ROR1: variants seen among roughly 807,000 people sequenced by gnomAD.
The protein encoded by ROR1 is ROR family WNT receptor 1, also known as inactive tyrosine-protein kinase transmembrane receptor ROR1.
ROR1 carries 19 observed loss-of-function variants against 78.8 expected under a neutral mutation model. The observed-to-expected ratio is 0.24, with a 90% CI of 0.17 to 0.35. The LOEUF is 0.35. ROR1 is among the 10% of genes least tolerant of loss of function. The pLI is 1.00. For missense variants in ROR1, 917 were observed against 1,177.8 expected, an observed-to-expected ratio of 0.78 and a Z score of 3.24; for synonymous variants, 386 against 433.6, an observed-to-expected ratio of 0.89 and a Z score of 1.36.
At chr1:64,022,781 A>T (rs952084407) in intron 2 of ROR1, among the ~76,000 whole-genome samples, 1 of 152,210 alleles carries the variant, frequency 6.6e-6, no homozygotes, top group Admixed American at 6.5e-5. Flanking sequence ...AGGTGATCTG[A>T]AATTATCTCT....
At chr1:64,113,437 C>G (rs1404539426) in intron 4 of ROR1, among the ~76,000 whole-genome samples, 1 of 152,106 alleles carries the variant, frequency 6.6e-6, no homozygotes, top group Non-Finnish European at 1.5e-5. Flanking sequence ...GTCATTAGCC[C>G]CATTGTACAG....
intron 1 of ROR1, among the ~76,000 whole-genome samples, chr1:63,900,322 C>T (rs1345247524): frequency 6.6e-6 from 1 of 151,910 alleles, no homozygotes; most frequent in Non-Finnish European, 1.5e-5. Context: ...GGTATGGTGG[C>T]AGGCACCTGT....
intron 1 of ROR1, among the ~76,000 whole-genome samples, chr1:63,905,464 T>A (rs1486663771): frequency 3.3e-5 from 5 of 152,210 alleles, no homozygotes; most frequent in Admixed American, 3.3e-4. Flanking sequence ...TTTAAGTTCC[T>A]CTGTATGTGA....
intron 1 of ROR1, among the ~76,000 whole-genome samples, chr1:63,908,210 T>C (rs1645543083): frequency 6.6e-6 from 1 of 152,164 alleles, no homozygotes; most frequent in African/African-American, 2.4e-5. Context: ...ACTCATGTCT[T>C]TCACTGCAAA....
At chr1:63,992,983 G>T (rs914673736) in intron 1 of ROR1, among the ~76,000 whole-genome samples, 1 of 152,084 alleles carries the variant, frequency 6.6e-6, no homozygotes, top group Admixed American at 6.5e-5. Context: ...GTCAGAGTCA[G>T]CAAATATTAG....
At chr1:63,867,246 A>T (rs1165560905) in intron 1 of ROR1, among the ~76,000 whole-genome samples, 2 of 152,242 alleles carry the variant, frequency 1.3e-5, no homozygotes, top group African/African-American at 4.8e-5. Context: ...TGAACAAATG[A>T]ATAAGACATT....
intron 1 of ROR1, among the ~76,000 whole-genome samples, chr1:63,898,022 G>A (rs1246519046): frequency 2.0e-5 from 3 of 152,154 alleles, no homozygotes; most frequent in East Asian, 1.9e-4. Flanking sequence ...CTTTTTGGCC[G>A]GAGCTCATTC....
At position 64,178,897 on chromosome 1, in the gene ROR1, A is replaced by G. The variant is rs1330748886; in HGVS notation, c.*42A>G. 2 of 1,425,052 alleles carry G rather than the reference A, an allele frequency of 1.4e-6. No homozygotes were observed. The highest frequency in any genetic ancestry group is 1.9e-6 in the Non-Finnish European group (2 of 1,037,838). 88.3% of individuals were successfully genotyped at this position (1,425,052 alleles called of 1,614,324 possible). ...AAATGTGGTATACAGGACAAACTAG[A>G]CGGCCGTAGAAAAGATTTATATTCA... is the stretch of plus-strand genomic sequence containing the variant. On this transcript the variant is annotated 3_prime_UTR_variant, in exon 9 of 9. Coordinates refer to ENST00000371079, the MANE Select transcript of ROR1 (RefSeq NM_005012.4). The surrounding 1 kb of genome is among the most constrained non-coding windows in gnomAD (Gnocchi z 4.3).
At chr1:63,957,125 A>G (rs561409602) in intron 1 of ROR1, among the ~76,000 whole-genome samples, 6 of 152,274 alleles carry the variant, frequency 3.9e-5, no homozygotes, top group Admixed American at 3.9e-4. Context: ...CTCCTGGTAG[A>G]GATTATATGC....
chr1:63,868,976 T>C (rs1645234727), intron 1 of ROR1, among the ~76,000 whole-genome samples: 1 of 152,174 alleles, frequency 6.6e-6, no homozygotes, highest in South Asian at 2.1e-4. Context: ...GTGCCAACAG[T>C]TGTGTATTTC....
intron 2 of ROR1, among the ~76,000 whole-genome samples, chr1:64,033,965 A>G (rs1051998178): frequency 6.6e-6 from 1 of 152,210 alleles, no homozygotes; most frequent in African/African-American, 2.4e-5. Flanking sequence ...ACTGTGATTC[A>G]GATGGTGTCG....
chr1:63,820,047 T>G (rs1312096503), intron 1 of ROR1, among the ~76,000 whole-genome samples: 1 of 152,214 alleles, frequency 6.6e-6, no homozygotes, highest in Non-Finnish European at 1.5e-5. Context: ...CTCTTCTTTC[T>G]TTTAATAAGG....
chr1:63,972,757 G>A (rs958036544), intron 1 of ROR1, among the ~76,000 whole-genome samples: 8 of 152,140 alleles, frequency 5.3e-5, no homozygotes, highest in Admixed American at 5.2e-4. Context: ...TAATGGAAGC[G>A]ACCACAACTT....
intron 1 of ROR1, among the ~76,000 whole-genome samples, chr1:63,830,175 T>C (rs1474303025): frequency 2.0e-5 from 3 of 152,108 alleles, no homozygotes; most frequent in African/African-American, 7.2e-5. Context: ...AGAGCAGTTT[T>C]GAATCTGCTT....
chr1:63,861,827 A>G (rs535644670), intron 1 of ROR1, among the ~76,000 whole-genome samples: 2 of 152,304 alleles, frequency 1.3e-5, no homozygotes, highest in African/African-American at 2.4e-5. Context: ...GCCCATTCCA[A>G]TTGAGCCAGT....
At chr1:64,051,672 TCTTTCA>T (rs1168074462) in intron 4 of ROR1, among the ~76,000 whole-genome samples, 1 of 152,162 alleles carries the variant, frequency 6.6e-6, no homozygotes, top group Admixed American at 6.5e-5. Flanking sequence ...AGGATTCTCA[TCTTTCA>T]CTTTAAGAGT....
At chr1:64,177,331 A>G (rs2100745780) in intron 8 of ROR1, 97 bp from the exon 9 acceptor site, 1 of 895,810 alleles carries the variant, frequency 1.1e-6, no homozygotes, top group Admixed American at 2.4e-5. Context: ...ATTTGTTTAT[A>G]GAACCTTTTT....
intron 1 of ROR1, among the ~76,000 whole-genome samples, chr1:63,919,685 T>A (rs1413399421): frequency 6.6e-6 from 1 of 152,156 alleles, no homozygotes; most frequent in Non-Finnish European, 1.5e-5. Context: ...TAAATTACTC[T>A]TCCAGAGCCT....
At chr1:63,778,388 A>C (rs1049790765) in intron 1 of ROR1, among the ~76,000 whole-genome samples, 1 of 152,180 alleles carries the variant, frequency 6.6e-6, no homozygotes, top group Non-Finnish European at 1.5e-5. Context: ...GGAGTGTTTG[A>C]TGCCTGAGGC....
Sources: gnomAD v4.1 joint callset for allele counts (sites outside exome capture counted in the v4.1 genomes callset) on GRCh38, gnomAD v4.1.1 for gene constraint, Gnocchi (gnomAD v3.1) non-coding constraint, MANE v1.5 for transcripts, NCBI Gene and HGNC (gene_info 2026-07-23, HGNC 2026-07-21) for gene names.